NGEF: variants seen among roughly 807,000 people sequenced by gnomAD.
NGEF encodes ephexin-1.
Under a neutral mutation model 80.9 loss-of-function variants are expected in NGEF, and 31 were observed. The observed-to-expected ratio is 0.38, with a 90% CI of 0.29 to 0.52. The LOEUF (loss-of-function observed/expected upper bound fraction) is 0.52, where lower values mean the gene tolerates loss of function less well. Ranked by LOEUF, NGEF falls within the 20% of genes least tolerant of loss-of-function variation. The pLI, the probability that NGEF is intolerant of heterozygous loss-of-function variation, is 0.84. For synonymous variants in NGEF, 371 were observed against 370.2 expected (o/e 1.00, Z -0.03); for missense variants, 709 against 926.2 (o/e 0.77, Z 3.04).
rs778806085 is a variant in NGEF, at chr2:232,970,214, C to T, written c.383G>A (p.Ser128Asn). 1 of 1,562,868 alleles carries T rather than the reference C, an allele frequency of 6.4e-7. No individual in the cohort carries two copies. The highest frequency in any genetic ancestry group is 1.2e-5 in the South Asian group (1 of 84,856). The change falls in exon 3 of 15, where the codon AGT becomes AAT. Residue 128 changes from serine (S) to asparagine (N), a missense_variant and splice_region_variant. Around this residue, in one of 2 missense-constraint regions of NGEF, gnomAD observed 283 missense variants for 303.4 expected, o/e 0.93. Coordinates refer to ENST00000264051, the MANE Select transcript of NGEF (RefSeq NM_019850.3). ...MQTDPGAQEM[S>N]ESSSTPGNGA... is the part of the protein sequence containing the mutation. The stretch of plus-strand genomic sequence containing the variant: ...TTCCTCATGATCTGCCATCTCTTAC[C>T]TCATTTCCTGGGCTCCTGGGTCTGT...
chr2:232,952,015 A>T (rs886177915), intron 3 of NGEF, among the ~76,000 whole-genome samples: 1 of 152,186 alleles, frequency 6.6e-6, no homozygotes, highest in Non-Finnish European at 1.5e-5. Context: ...AGCCCTAGGA[A>T]GGCGTGGTGT....
Position 232,885,812 on chromosome 2 carries a change from G to A in NGEF, c.1348-443C>T, listed in dbSNP as rs1016624147. ...AATTCTGCAGTGACACATGGGGCCC[G>A]GCACAGGGCCAGGCTCGCCGCAGGC... On this transcript the variant is annotated intron_variant, in intron 9 of 14. Transcript: ENST00000264051. Among the ~76,000 whole-genome samples the A allele has an allele frequency of 2.0e-5, 3 of 152,276 alleles. 1 individual carries two copies. Among genetic ancestry groups the A allele is most frequent in the African/African-American group, 2.4e-5 (1 of 41,564 alleles).
intron 2 of NGEF, among the ~76,000 whole-genome samples, chr2:232,973,769 AC>A (rs1235265899): frequency 1.3e-5 from 2 of 152,092 alleles, no homozygotes; most frequent in Non-Finnish European, 2.9e-5. Flanking sequence ...CACTAAACCA[AC>A]CCCCAGAATC....
chr2:233,004,570 G>A (rs766164461), intron 1 of NGEF, among the ~76,000 whole-genome samples: 1 of 152,228 alleles, frequency 6.6e-6, no homozygotes, highest in Non-Finnish European at 1.5e-5. Context: ...TGAGGTAACT[G>A]CTGGGAACCC....
chr2:233,010,148 C>A (rs188585812), intron 1 of NGEF, among the ~76,000 whole-genome samples: 1 of 152,288 alleles, frequency 6.6e-6, no homozygotes, highest in East Asian at 1.9e-4. Context: ...GCGCCTCAGC[C>A]TCCCAAAGTG....
intron 1 of NGEF, among the ~76,000 whole-genome samples, chr2:232,987,308 G>A (rs1018511812): frequency 6.6e-6 from 1 of 152,086 alleles, no homozygotes; most frequent in African/African-American, 2.4e-5. Context: ...ATTAGACACC[G>A]TGCCTGGCCA....
At chr2:232,970,972 A>G (rs908833773) in intron 2 of NGEF, among the ~76,000 whole-genome samples, 1 of 152,228 alleles carries the variant, frequency 6.6e-6, no homozygotes, top group Non-Finnish European at 1.5e-5. Flanking sequence ...CTGGTCAAAA[A>G]TCACTGGCAA....
At chr2:232,983,830 A>G (rs1170262297) in intron 1 of NGEF, among the ~76,000 whole-genome samples, 1 of 152,212 alleles carries the variant, frequency 6.6e-6, no homozygotes, top group Non-Finnish European at 1.5e-5. Context: ...AGAGACGAGA[A>G]TGCTGAAACC....
chr2:232,899,799 C>T lies in NGEF; in HGVS notation c.829-4883G>A, dbSNP rs1221246788. ...ATACACGTTCACTCACATTCACTCACACACACGCTCTCAGTCACTCATATA... is the reference window on the plus strand; with the variant it reads ...ATACACGTTCACTCACATTCACTCATACACACGCTCTCAGTCACTCATATA... On this transcript the variant is annotated intron_variant, in intron 5 of 14. Transcript: ENST00000264051. Among the ~76,000 whole-genome samples the T allele has an allele frequency of 2.6e-3, 388 of 148,838 alleles. 6 individuals carry two copies. The highest frequency in any genetic ancestry group is 4.5e-3 in the Non-Finnish European group (298 of 66,940).
chr2:232,934,666 C>T (rs1330135721), intron 3 of NGEF, among the ~76,000 whole-genome samples: 4 of 152,048 alleles, frequency 2.6e-5, no homozygotes. Context: ...ATAAATATTT[C>T]AAATATTTAT....
intron 8 of NGEF, among the ~76,000 whole-genome samples, chr2:232,888,444 A>G (rs908979765): frequency 6.6e-6 from 1 of 152,188 alleles, no homozygotes; most frequent in Non-Finnish European, 1.5e-5. Context: ...TCACACATGC[A>G]CAACACGATG....
chr2:232,880,190 T>A (rs2106206512), intron 14 of NGEF, among the ~76,000 whole-genome samples: 1 of 152,268 alleles, frequency 6.6e-6, no homozygotes, highest in East Asian at 1.9e-4. Flanking sequence ...GCTGGTGTGG[T>A]CAGTGGAGAG....
chr2:232,990,589 C>T (rs72980026), intron 1 of NGEF, among the ~76,000 whole-genome samples: 3,639 of 152,074 alleles, frequency 0.024, 148 homozygotes, highest in African/African-American at 0.083. Flanking sequence ...ATAAAGAGAG[C>T]CTTCTTCTCC....
At chr2:232,886,749 T>TG (rs1237170867) in intron 9 of NGEF, among the ~76,000 whole-genome samples, 1 of 152,228 alleles carries the variant, frequency 6.6e-6, no homozygotes, top group Non-Finnish European at 1.5e-5. Context: ...GAGAGCCTTC[T>TG]GGGGCACGTG....
chr2:232,953,363 AAG>A (rs202019335), intron 3 of NGEF, among the ~76,000 whole-genome samples: 2 of 140,680 alleles, frequency 1.4e-5, no homozygotes, highest in African/African-American at 2.5e-5. Flanking sequence ...GAAAGAAAGA[AAG>A]AGAGAGAGAG....
intron 3 of NGEF, among the ~76,000 whole-genome samples, chr2:232,955,489 G>A (rs937409148): frequency 1.3e-5 from 2 of 152,154 alleles, no homozygotes; most frequent in African/African-American, 4.8e-5. Context: ...TAAACTGGGA[G>A]CAGTTCTTCA....
intron 5 of NGEF, among the ~76,000 whole-genome samples, chr2:232,906,669 A>G (rs62191803): frequency 0.68 from 24,744 of 36,576 alleles, 10,359 homozygotes; most frequent in African/African-American, 0.81. Context: ...CCACCACCCC[A>G]TCTGGGAGGT....
chr2:232,980,155 T>C (rs545438634), intron 1 of NGEF, among the ~76,000 whole-genome samples: 9 of 152,292 alleles, frequency 5.9e-5, no homozygotes, highest in Admixed American at 4.6e-4. Flanking sequence ...TTTGGCTGTC[T>C]CTGTGTTAGT....
intron 3 of NGEF, among the ~76,000 whole-genome samples, chr2:232,946,432 A>G (rs1574629364): frequency 6.6e-6 from 1 of 152,220 alleles, no homozygotes; most frequent in East Asian, 1.9e-4. Flanking sequence ...TAACCTATGG[A>G]AATAAAAAAT....
Sources: allele counts gnomAD v4.1 joint callset (sites outside exome capture counted in the v4.1 genomes callset), GRCh38; gene constraint gnomAD v4.1.1; regional missense constraint gnomAD v4.1.1; transcripts MANE v1.5; gene names NCBI Gene and HGNC (gene_info 2026-07-23, HGNC 2026-07-21).